MAML3: variants seen among roughly 807,000 people sequenced by gnomAD.
MAML3 encodes the protein mastermind like transcriptional coactivator 3.
A neutral mutation model predicts 101.9 loss-of-function variants in MAML3; 27 were observed. The ratio of observed to expected loss-of-function variants is 0.27; its 90% CI spans 0.20 to 0.37. The LOEUF (loss-of-function observed/expected upper bound fraction) is 0.37, where lower values mean the gene tolerates loss of function less well. MAML3 is among the 10% of genes least tolerant of loss of function. MAML3 has a pLI of 1.00. For synonymous variants in MAML3, 501 were observed against 555.9 expected (o/e 0.90, Z 1.39); for missense variants, 1,316 against 1,444.9 (o/e 0.91, Z 1.45).
At chr4:139,960,366 C>G (rs1026209324) in intron 1 of MAML3, among the ~76,000 whole-genome samples, 1 of 152,174 alleles carries the variant, frequency 6.6e-6, no homozygotes, top group Admixed American at 6.5e-5. Context: ...TCCCTCACTA[C>G]CTTTTAAAAT....
chr4:140,098,936 T>C (rs568191773), intron 1 of MAML3, among the ~76,000 whole-genome samples: 1 of 152,332 alleles, frequency 6.6e-6, no homozygotes, highest in South Asian at 2.1e-4. Flanking sequence ...GCTACATTGT[T>C]TCTCTGACTC....
intron 2 of MAML3, among the ~76,000 whole-genome samples, chr4:139,869,491 A>G (rs1392505800): frequency 6.6e-6 from 1 of 152,250 alleles, no homozygotes; most frequent in Non-Finnish European, 1.5e-5. Flanking sequence ...AGACCCAAGA[A>G]GCTGGATAAG....
intron 1 of MAML3, among the ~76,000 whole-genome samples, chr4:139,925,571 A>C (rs193057245): frequency 3.8e-4 from 58 of 152,274 alleles, no homozygotes; most frequent in African/African-American, 1.3e-3. Context: ...GCCAAAAAAA[A>C]CAAGGTGTTG....
Position 139,719,612 on chromosome 4 carries a change from G to T in MAML3, c.3128C>A (p.Ala1043Glu). The change falls in exon 5 of 5, where the codon GCG becomes GAG. Residue 1043 changes from alanine to glutamate, a missense_variant. Transcript: ENST00000509479. ...CAGGCCAGACATGACCATTGGCCTC[G>T]CCTGGCTGGTGCCTTGCTGCCCCGG... Reference protein sequence around the residue: ...SLPGQQGTSQARPMVMSGLSQ... With the variant: ...SLPGQQGTSQERPMVMSGLSQ... The T allele has an allele frequency of 6.2e-7, 1 of 1,612,572 alleles. No individual in the cohort carries two copies. Among genetic ancestry groups the T allele is most frequent in the Non-Finnish European group, 8.5e-7 (1 of 1,179,400 alleles).
At position 139,730,470 on chromosome 4, in the gene MAML3, C is replaced by T. The variant is rs1728659129; in HGVS notation, c.2277G>A (p.Leu759=). The stretch of plus-strand genomic sequence containing the variant: ...GCTGCTGCTGCTGCCTTTGCTCCCG[C>T]AGGAACTGTTGCTTCTGCTGCTCTA... ...QLIEQQKQQF[L]REQRQQQQQQ... The change falls in exon 3 of 5, where the codon CTG becomes CTA. Residue 759 remains leucine, a synonymous_variant. Transcript: ENST00000509479. 6.4e-7 allele frequency: 1 copy of T among 1,552,630 alleles called. No individual in the cohort carries two copies. The highest frequency in any genetic ancestry group is 2.0e-5 in the Admixed American group (1 of 51,068).
At chr4:139,751,048 G>A (rs754587116) in intron 2 of MAML3, among the ~76,000 whole-genome samples, 1 of 152,186 alleles carries the variant, frequency 6.6e-6, no homozygotes, top group African/African-American at 2.4e-5. Context: ...AAGGTCAGTC[G>A]TCCGTCTTCA....
At chr4:140,045,279 C>A (rs1288713682) in intron 1 of MAML3, among the ~76,000 whole-genome samples, 1 of 151,768 alleles carries the variant, frequency 6.6e-6, no homozygotes, top group Non-Finnish European at 1.5e-5. Flanking sequence ...CCTGTAATCC[C>A]AGCTACTCGG....
intron 1 of MAML3, among the ~76,000 whole-genome samples, chr4:140,023,229 G>A (rs1342215528): frequency 6.6e-6 from 1 of 152,178 alleles, no homozygotes; most frequent in Non-Finnish European, 1.5e-5. Context: ...GTGTGATTTA[G>A]AGAAGTTGCC....
intron 1 of MAML3, among the ~76,000 whole-genome samples, chr4:140,094,888 C>T (rs960047982): frequency 6.6e-6 from 1 of 152,230 alleles, no homozygotes; most frequent in Non-Finnish European, 1.5e-5. Context: ...AGCCAGAAGA[C>T]GCTGTATGGA....
At chr4:139,728,984 C>T (rs969766807) in intron 3 of MAML3, among the ~76,000 whole-genome samples, 7 of 152,042 alleles carry the variant, frequency 4.6e-5, no homozygotes, top group Non-Finnish European at 8.8e-5. Context: ...TTACAGAGCC[C>T]AGCTGCCCTC....
chr4:140,153,521 T>C lies in MAML3; in HGVS notation c.-194A>G. 2 of 588,194 alleles carry C rather than the reference T, an allele frequency of 3.4e-6. No homozygotes were observed. Among genetic ancestry groups the C allele is most frequent in the Non-Finnish European group, 2.8e-6 (1 of 352,510 alleles). 36.4% of individuals were successfully genotyped at this position (588,194 alleles called of 1,614,324 possible). On this transcript the variant is annotated 5_prime_UTR_variant, in exon 1 of 5. Coordinates refer to ENST00000509479, the MANE Select transcript of MAML3 (RefSeq NM_018717.5). ...TTGGGGTGGTTTTTGTTTCCTTTTT[T>C]TAAACTGTAAAAGCTCAAGGGGAAG...
chr4:140,134,936 A>G (rs1728860115), intron 1 of MAML3, among the ~76,000 whole-genome samples: 1 of 152,240 alleles, frequency 6.6e-6, no homozygotes, highest in Non-Finnish European at 1.5e-5. Flanking sequence ...CTGCGTTTGA[A>G]GGAACCTCTC....
At chr4:140,078,998 G>C (rs1727822555) in intron 1 of MAML3, among the ~76,000 whole-genome samples, 1 of 152,126 alleles carries the variant, frequency 6.6e-6, no homozygotes, top group Non-Finnish European at 1.5e-5. Flanking sequence ...AACCTCGCAG[G>C]TCTCTGCTGA....
At chr4:140,007,479 T>C (rs1222974741) in intron 1 of MAML3, among the ~76,000 whole-genome samples, 1 of 152,178 alleles carries the variant, frequency 6.6e-6, no homozygotes, top group Admixed American at 6.5e-5. Flanking sequence ...CGTTTCTGTA[T>C]TCCATTATAT....
At chr4:139,741,630 C>A (rs1729167557) in intron 2 of MAML3, among the ~76,000 whole-genome samples, 1 of 151,990 alleles carries the variant, frequency 6.6e-6, no homozygotes, top group Non-Finnish European at 1.5e-5. Context: ...ACCTGTAGTC[C>A]CAATTACTCA....
At chr4:140,143,342 C>A (rs1729005954) in intron 1 of MAML3, among the ~76,000 whole-genome samples, 2 of 152,122 alleles carry the variant, frequency 1.3e-5, no homozygotes, top group African/African-American at 4.8e-5. Flanking sequence ...TGCATTTGGG[C>A]AGAAGGCAAC....
intron 1 of MAML3, among the ~76,000 whole-genome samples, chr4:140,054,368 CA>C (rs1344234590): frequency 2.1e-3 from 146 of 69,022 alleles, no homozygotes; most frequent in Admixed American, 3.2e-3. Context: ...GACTCCGTCT[CA>C]AAAAAAAAAA....
At chr4:139,797,387 G>A (rs546637122) in intron 2 of MAML3, among the ~76,000 whole-genome samples, 6 of 152,248 alleles carry the variant, frequency 3.9e-5, no homozygotes, top group African/African-American at 1.4e-4. Flanking sequence ...AATGTCACAT[G>A]GCTAAAGACA....
chr4:139,759,352 C>T (rs1729710604), intron 2 of MAML3, among the ~76,000 whole-genome samples: 2 of 152,242 alleles, frequency 1.3e-5, no homozygotes, highest in South Asian at 4.1e-4. Flanking sequence ...AATGAACCTG[C>T]TGGAACAGGC....
Sources: allele counts gnomAD v4.1 joint callset (sites outside exome capture counted in the v4.1 genomes callset), GRCh38; gene constraint gnomAD v4.1.1; transcripts MANE v1.5; gene names NCBI Gene and HGNC (gene_info 2026-07-23, HGNC 2026-07-21).